The following SNED1 variants were observed in gnomAD, a reference collection of about 807,000 sequenced individuals.
SNED1 encodes sushi, nidogen and EGF like domains 1.
In SNED1, 81 loss-of-function variants were observed where a neutral mutation model predicts 166.7. The observed-to-expected ratio is 0.49, with a 90% CI of 0.41 to 0.58. The LOEUF (loss-of-function observed/expected upper bound fraction) is 0.58. Ranked by LOEUF, SNED1 falls within the 20% of genes least tolerant of loss-of-function variation. The pLI, the probability that SNED1 is intolerant of heterozygous loss-of-function variation, is 0.00. For missense variants in SNED1, 1,604 were observed against 2,000.2 expected, an observed-to-expected ratio of 0.80 and a Z score of 3.78; for synonymous variants, 762 against 822.0, an observed-to-expected ratio of 0.93 and a Z score of 1.25.
At chr2:241,016,253 G>A (rs1163871278) in intron 1 of SNED1, among the ~76,000 whole-genome samples, 1 of 140,672 alleles carries the variant, frequency 7.1e-6, no homozygotes, top group Non-Finnish European at 1.5e-5. Context: ...GGAGTGCAGT[G>A]GCACGATCTT....
At position 241,057,380 on chromosome 2, in the gene SNED1, A is replaced by AATATATATATATAT. The variant is rs57902432; in HGVS notation, c.2257+4073_2257+4086dup. Reference sequence around the variant, plus strand: ...GGCGACGAGCAAAACTCCATCTCAAAATATATATATATATATATATATATA... The same window carrying AATATATATATATAT: ...GGCGACGAGCAAAACTCCATCTCAAAATATATATATATATATATATATATATATATATATATATA... On this transcript the variant is annotated intron_variant, in intron 16 of 31. Coordinates refer to ENST00000310397, the MANE Select transcript of SNED1 (RefSeq NM_001080437.3). 9.1e-3 allele frequency among the ~76,000 whole-genome samples: 1,070 copies of AATATATATATATAT among 117,892 alleles called. 16 individuals carry two copies. The highest frequency in any genetic ancestry group is 0.027 in the African/African-American group (711 of 26,044). The allele number at this position is 117,892 out of a possible 152,430, so 77.3% of individuals were successfully genotyped here.
intron 1 of SNED1, among the ~76,000 whole-genome samples, chr2:241,021,899 G>A (rs544092055): frequency 2.0e-5 from 3 of 152,308 alleles, no homozygotes; most frequent in African/African-American, 7.2e-5. Context: ...AGCAATGTAT[G>A]AGGGTTCCAA....
chr2:241,033,663 A>G, intron 2 of SNED1, 72 bp from the exon 3 acceptor site: 1 of 1,494,590 alleles, frequency 6.7e-7, no homozygotes, highest in Non-Finnish European at 9.0e-7. Context: ...GTGCACCAGG[A>G]TGGTGGACAG....
intron 1 of SNED1, among the ~76,000 whole-genome samples, chr2:241,029,455 G>T (rs1394045165): frequency 6.6e-6 from 1 of 152,108 alleles, no homozygotes; most frequent in Admixed American, 6.5e-5. Context: ...ATTCACCAGG[G>T]CTCTACCTTT....
At chr2:241,062,704 G>C in intron 16 of SNED1, 87 bp from the exon 17 acceptor site, 1 of 856,306 alleles carries the variant, frequency 1.2e-6, no homozygotes, top group Non-Finnish European at 1.9e-6. Flanking sequence ...ATCGAATTCT[G>C]TCTGGCCCCT....
At chr2:241,056,851 G>T (rs904830112) in intron 16 of SNED1, among the ~76,000 whole-genome samples, 1 of 152,044 alleles carries the variant, frequency 6.6e-6, no homozygotes, top group Non-Finnish European at 1.5e-5. Context: ...ACAGTGCTGG[G>T]ATTACAGGCA....
intron 2 of SNED1, among the ~76,000 whole-genome samples, chr2:241,031,451 C>T (rs767136013): frequency 5.3e-5 from 8 of 152,224 alleles, no homozygotes; most frequent in Non-Finnish European, 1.2e-4. Flanking sequence ...GAGCACCTTC[C>T]AAGTGACAGG....
chr2:241,015,094 T>C (rs990795481), intron 1 of SNED1, among the ~76,000 whole-genome samples: 4 of 152,252 alleles, frequency 2.6e-5, no homozygotes, highest in African/African-American at 7.2e-5. Context: ...TTTTGGACTT[T>C]GCATTTTCAC....
chr2:241,014,254 C>G (rs4676005), intron 1 of SNED1, among the ~76,000 whole-genome samples: 6,259 of 152,256 alleles, frequency 0.041, 781 homozygotes, highest in East Asian at 0.31. Context: ...GGTGATCTGC[C>G]CACCTCAGCC....
chr2:241,036,658 TGCTGCGGTCACCCGG>T (rs1176202420), intron 4 of SNED1, 117 bp from the exon 5 acceptor site: 2 of 1,189,714 alleles, frequency 1.7e-6, no homozygotes, highest in African/African-American at 3.0e-5. Flanking sequence ...CTGGCTGCTT[TGCTGCGGTCACCCGG>T]GCACCCAGAG....
intron 1 of SNED1, among the ~76,000 whole-genome samples, chr2:241,006,162 A>G (rs1326182695): frequency 3.3e-5 from 5 of 151,766 alleles, no homozygotes; most frequent in Non-Finnish European, 7.4e-5. Flanking sequence ...TTTTTTCTAC[A>G]CGGTCTAACC....
chr2:241,087,211 A>T, intron 29 of SNED1, 181 bp from the exon 30 acceptor site: 1 of 586,326 alleles, frequency 1.7e-6, no homozygotes, highest in Non-Finnish European at 3.0e-6. Context: ...TTTATTACAA[A>T]TCACATGACC....
chr2:241,017,591 T>C (rs2060635548), intron 1 of SNED1, among the ~76,000 whole-genome samples: 1 of 152,208 alleles, frequency 6.6e-6, no homozygotes, highest in Non-Finnish European at 1.5e-5. Flanking sequence ...GCAGAGTGCC[T>C]CTCTTACCAA....
intron 26 of SNED1, chr2:241,072,277 G>A (rs2125247054): frequency 1.3e-5 from 6 of 466,624 alleles, no homozygotes; most frequent in South Asian, 9.5e-5. Flanking sequence ...GTGTGGTCCG[G>A]CAAATCCTCC....
intron 21 of SNED1, 85 bp downstream of exon 21, chr2:241,065,680 C>G (rs2062415337): frequency 8.5e-7 from 1 of 1,181,052 alleles, no homozygotes; most frequent in South Asian, 1.5e-5. Flanking sequence ...GGGCGGCTGT[C>G]ATGCCGTCCA....
intron 1 of SNED1, among the ~76,000 whole-genome samples, chr2:241,020,959 C>A (rs2060754046): frequency 6.6e-6 from 1 of 152,240 alleles, no homozygotes; most frequent in African/African-American, 2.4e-5. Context: ...ACGTCAACAG[C>A]AATTCCACCT....
chr2:241,057,761 T>C (rs1252118054), intron 16 of SNED1, among the ~76,000 whole-genome samples: 1 of 151,992 alleles, frequency 6.6e-6, no homozygotes, highest in Non-Finnish European at 1.5e-5. Flanking sequence ...TGTGAGACCA[T>C]AAAAAAATAT....
chr2:241,001,385 A>T (rs1044665142), intron 1 of SNED1, among the ~76,000 whole-genome samples: 1 of 152,376 alleles, frequency 6.6e-6, no homozygotes, highest in African/African-American at 2.4e-5. Context: ...CAGCTCTGCC[A>T]CACATGGAGT....
At chr2:241,062,986 T>A in intron 17 of SNED1, 82 bp downstream of exon 17, 2 of 888,282 alleles carry the variant, frequency 2.3e-6, no homozygotes, top group South Asian at 1.7e-5. Flanking sequence ...CCCGGACAGG[T>A]CTCTGTCTGG....
Sources: gnomAD v4.1 joint callset for allele counts (sites outside exome capture counted in the v4.1 genomes callset) on GRCh38, gnomAD v4.1.1 for gene constraint, MANE v1.5 for transcripts, NCBI Gene and HGNC (gene_info 2026-07-23, HGNC 2026-07-21) for gene names.